Variants in ORC1 observed in about 807,000 individuals in gnomAD.
ORC1 encodes the protein origin recognition complex, subunit 1 homolog.
Under a neutral mutation model 98.9 loss-of-function variants are expected in ORC1, and 61 were observed. That is an observed-to-expected ratio of 0.62 (90% CI 0.50 to 0.76). The LOEUF (loss-of-function observed/expected upper bound fraction) is 0.76, where lower values mean the gene tolerates loss of function less well. Among genes scored for constraint, ORC1 ranks in the 30% least tolerant of loss-of-function variants. ORC1 has a pLI of 0.00. For synonymous variants in ORC1, 385 were observed against 406.9 expected (o/e 0.95, Z 0.65); for missense variants, 979 against 1,072.2 (o/e 0.91, Z 1.21).
rs1647099658 is a variant in ORC1 at position 52,383,478 on chromosome 1, A to G, written c.1955T>C (p.Ile652Thr). ...CTCTGGCAGGTCCATTGTGTTGGCA[A>G]TTGCCAGGACCACAAGCCGGGCCTC... The part of the protein sequence containing the change: ...HKEARLVVLA[I>T]ANTMDLPERI... Residue 652 changes from isoleucine (I) to threonine (T), a missense_variant, in exon 13 of 17, where the codon ATT becomes ACT. Physicochemically the swap from Ile to Thr is moderately conservative, Grantham distance 89. Transcript: ENST00000371568. The G allele has an allele frequency of 1.2e-6, 2 of 1,613,396 alleles. No individual in the cohort carries two copies. The highest frequency in any genetic ancestry group is 2.7e-5 in the African/African-American group (2 of 74,890).
intron 1 of ORC1, 132 bp from the exon 2 acceptor site, chr1:52,402,360 A>G: frequency 1.4e-6 from 1 of 722,524 alleles, no homozygotes. Flanking sequence ...ACTCCCATAC[A>G]TTTTAGACTA....
chr1:52,383,905 A>G lies in ORC1; in HGVS notation c.1788T>C (p.His596=). The change falls in exon 12 of 17, where the codon CAT becomes CAC. Residue 596 remains histidine (H), a synonymous_variant. Coordinates refer to ENST00000371568, the MANE Select transcript of ORC1 (RefSeq NM_004153.4). ...KLTGQKATAN[H]AAELLAKQFC... is the part of the protein sequence containing the mutation. ...ATTGCTTTGCCAGCAGTTCTGCCGCATGGTTGGCTGTTGCTTTTTGGCCTG... is the reference window on the plus strand; with the variant it reads ...ATTGCTTTGCCAGCAGTTCTGCCGCGTGGTTGGCTGTTGCTTTTTGGCCTG... 1.2e-6 allele frequency: 2 copies of G among 1,614,156 alleles called. No homozygotes were observed. The highest frequency in any genetic ancestry group is 1.7e-5 in the Admixed American group (1 of 60,022).
At chr1:52,406,912 G>A (rs1458367828), upstream of ORC1, among the ~76,000 whole-genome samples, 1 of 152,190 alleles carries the variant, frequency 6.6e-6, no homozygotes, top group Admixed American at 6.5e-5. Context: ...CATATTCTTT[G>A]CTACAGTATT....
chr1:52,408,351 A>G (rs1648057478), upstream of ORC1: 3 of 679,008 alleles, frequency 4.4e-6, no homozygotes, highest in Admixed American at 4.1e-5. Context: ...ATCAATATGT[A>G]TGATGTTCCC....
upstream of ORC1, chr1:52,404,599 T>C (rs1407499821): frequency 5.2e-6 from 4 of 768,828 alleles, no homozygotes; most frequent in Non-Finnish European, 8.1e-6. Flanking sequence ...GCGGAAGCCC[T>C]TTACACTACG....
intron 5 of ORC1, 100 bp from the exon 6 acceptor site, chr1:52,393,903 A>G: frequency 7.9e-7 from 1 of 1,264,616 alleles, no homozygotes; most frequent in Non-Finnish European, 1.1e-6. Context: ...TATGTAAAAC[A>G]GGAATTATCT....
intron 2 of ORC1, 117 bp from the exon 3 acceptor site, chr1:52,401,606 C>A (rs1346502371): frequency 1.6e-6 from 2 of 1,236,794 alleles, no homozygotes; most frequent in African/African-American, 1.5e-5. Context: ...CTGACCAACT[C>A]TCCTACTGGG....
At chr1:52,406,377 A>G (rs987188439), upstream of ORC1, among the ~76,000 whole-genome samples, 1 of 152,170 alleles carries the variant, frequency 6.6e-6, no homozygotes, top group East Asian at 1.9e-4. Context: ...AAAGGATTTC[A>G]CAGATTCACT....
intron 14 of ORC1, among the ~76,000 whole-genome samples, chr1:52,380,984 A>G (rs1214357795): frequency 2.0e-5 from 3 of 152,232 alleles, no homozygotes; most frequent in African/African-American, 7.2e-5. Flanking sequence ...GCAAGAGGAA[A>G]CTAGAAATAA....
rs539990041 is a variant in ORC1, at chr1:52,404,328, C to T, written c.-88G>A. The T allele has an allele frequency of 6.3e-6, 1 of 159,182 alleles. No homozygotes were observed. The highest frequency in any genetic ancestry group is 1.4e-5 in the Non-Finnish European group (1 of 71,146). The allele number at this position is 159,182 out of a possible 1,614,324, so 9.9% of individuals were successfully genotyped here. On this transcript the variant is annotated 5_prime_UTR_variant, in exon 1 of 17. It adds an upstream start codon to the 5' untranslated region. Coordinates refer to ENST00000371568, the MANE Select transcript of ORC1 (RefSeq NM_004153.4). ...TTCGAGAGCTCCGGGGGATGCGGCACCTCTAACCTGCACCAGCAGGGCTCC... is the reference window on the plus strand; with the variant it reads ...TTCGAGAGCTCCGGGGGATGCGGCATCTCTAACCTGCACCAGCAGGGCTCC...
intron 2 of ORC1, 95 bp from the exon 3 acceptor site, chr1:52,401,584 G>T: frequency 6.9e-7 from 1 of 1,441,754 alleles, no homozygotes; most frequent in South Asian, 1.1e-5. Flanking sequence ...CTCCAATCCT[G>T]ATTTCTTTCT....
intron 15 of ORC1, 38 bp from the exon 16 acceptor site, chr1:52,374,935 G>C (rs200265724): frequency 1.5e-6 from 2 of 1,300,256 alleles, no homozygotes; most frequent in Admixed American, 1.7e-5. Context: ...TTTGTCAGTG[G>C]CTGTAACCCC....
intron 3 of ORC1, among the ~76,000 whole-genome samples, 177 bp from the exon 4 acceptor site, chr1:52,398,040 T>A (rs111586326): frequency 0.011 from 1,700 of 152,184 alleles, 25 homozygotes; most frequent in African/African-American, 0.038. Flanking sequence ...CTTGGCTCAC[T>A]GCAACCTCTG....
chr1:52,401,624 T>G, intron 2 of ORC1, 135 bp from the exon 3 acceptor site: 1 of 1,030,888 alleles, frequency 9.7e-7, no homozygotes, highest in Non-Finnish European at 1.5e-6. Flanking sequence ...GGGAAACCAA[T>G]TCGCCCAGTT....
intron 16 of ORC1, among the ~76,000 whole-genome samples, chr1:52,373,878 T>C (rs1476717314): frequency 6.6e-6 from 1 of 152,078 alleles, no homozygotes; most frequent in Non-Finnish European, 1.5e-5. Flanking sequence ...GAGAGAAAAT[T>C]GAATAAAGAA....
intron 14 of ORC1, among the ~76,000 whole-genome samples, chr1:52,378,355 AAC>A (rs1647021413): frequency 6.8e-6 from 1 of 147,948 alleles, no homozygotes; most frequent in Non-Finnish European, 1.5e-5. Flanking sequence ...AAAAAAAAAA[AAC>A]AAACAAAACA....
chr1:52,373,433 G>C, intron 16 of ORC1, 58 bp from the exon 17 acceptor site: 1 of 1,458,616 alleles, frequency 6.9e-7, no homozygotes, highest in African/African-American at 1.4e-5. Flanking sequence ...GGCTTTTTCT[G>C]TTCCTTTCTT....
chr1:52,408,834 C>G (rs151154002), upstream of ORC1: 71 of 1,029,196 alleles, frequency 6.9e-5, no homozygotes, highest in East Asian at 1.8e-3. Context: ...TTTCCCTTGT[C>G]CCTCATGGGA....
At chr1:52,390,807 G>A (rs1054419176) in intron 6 of ORC1, among the ~76,000 whole-genome samples, 4 of 150,802 alleles carry the variant, frequency 2.7e-5, no homozygotes, top group Non-Finnish European at 5.9e-5. Context: ...CAGGAGAATC[G>A]CTTGAACCCG....
Sources: allele counts gnomAD v4.1 joint callset (sites outside exome capture counted in the v4.1 genomes callset), GRCh38; gene constraint gnomAD v4.1.1; transcripts MANE v1.5; gene names NCBI Gene and HGNC (gene_info 2026-07-23, HGNC 2026-07-21).